PIRT: variants seen among roughly 807,000 people sequenced by gnomAD.
PIRT encodes the protein phosphoinositide-interacting protein.
Under a neutral mutation model 7.9 loss-of-function variants are expected in PIRT, and 6 were observed. The observed-to-expected ratio is 0.76, with a 90% CI of 0.42 to 1.51. PIRT has a LOEUF of 1.51. PIRT is among the 40% of genes most tolerant of loss of function. PIRT has a pLI of 0.01. For missense variants in PIRT, 170 were observed against 172.9 expected, an observed-to-expected ratio of 0.98 and a Z score of 0.09; for synonymous variants, 78 against 71.8, an observed-to-expected ratio of 1.09 and a Z score of -0.44.
In PIRT at chr17:10,825,617, A is replaced by G. The variant is rs767466275; in HGVS notation, c.29T>C (p.Leu10Pro). The G allele has an allele frequency of 3.4e-5, 51 of 1,517,796 alleles. No homozygotes were observed. The Admixed American group carries it at 5.8e-4, about 17-fold the overall frequency. 94.0% of individuals were successfully genotyped at this position (1,517,796 alleles called of 1,614,324 possible). Residue 10 changes from leucine to proline, a missense_variant, in exon 2 of 2, where the codon CTA becomes CCA. By Grantham distance (98) the Leu-to-Pro change is moderately conservative (BLOSUM62 -3). Coordinates refer to ENST00000580256, the MANE Select transcript of PIRT (RefSeq NM_001101387.2). MTMETLPKV[L>P]EVDEKSPEAK... ...TTCTGGAGACTTCTCATCGACCTCT[A>G]GAACCTTGGGGAGAGTCTCCATCGT... is the stretch of plus-strand genomic sequence containing the variant.
intron 1 of PIRT, among the ~76,000 whole-genome samples, chr17:10,828,890 G>C (rs1026552670): frequency 2.6e-5 from 4 of 152,196 alleles, no homozygotes; most frequent in African/African-American, 9.7e-5. Context: ...TTCGGAATTT[G>C]GCCTTGGTAA....
Position 10,825,498 on chromosome 17 carries a change from C to T in PIRT, c.148G>A (p.Glu50Lys), listed in dbSNP as rs1905291996. 1 of 1,613,822 alleles carries T rather than the reference C, an allele frequency of 6.2e-7. No individual in the cohort carries two copies. The highest frequency in any genetic ancestry group is 8.5e-7 in the Non-Finnish European group (1 of 1,179,850). ...ATAACGATGGGCTTGCGGTAGATTT[C>T]CCAGTTACTCCTGGGGGTGGTGGTC... ...VWTTTPRSNW[E>K]IYRKPIVIMS... Residue 50 changes from glutamate (E) to lysine (K), a missense_variant, in exon 2 of 2, where the codon GAA becomes AAA. Physicochemically the swap from Glu to Lys is moderately conservative, Grantham distance 56 (BLOSUM62 1). Coordinates refer to ENST00000580256, the MANE Select transcript of PIRT (RefSeq NM_001101387.2).
chr17:10,834,472 A>G (rs1905536092), intron 1 of PIRT, among the ~76,000 whole-genome samples: 2 of 152,224 alleles, frequency 1.3e-5, no homozygotes, highest in Admixed American at 6.5e-5. Context: ...GGAGGAACCA[A>G]CTGGAATATA....
chr17:10,827,465 C>CTTTTTTTTT lies in PIRT; in HGVS notation c.-138-1691_-138-1683dup, dbSNP rs546105685. Among the ~76,000 whole-genome samples the CTTTTTTTTT allele has an allele frequency of 2.6e-3, 145 of 56,296 alleles. 5 individuals are homozygous for CTTTTTTTTT. Among genetic ancestry groups the CTTTTTTTTT allele is most frequent in the East Asian group, 3.6e-3 (7 of 1,950 alleles). 36.9% of individuals were successfully genotyped at this position (56,296 alleles called of 152,430 possible). On this transcript the variant is annotated intron_variant, in intron 1 of 1. Coordinates refer to ENST00000580256, the MANE Select transcript of PIRT (RefSeq NM_001101387.2). ...TCTTTCTTTTCTTTCTTTTTCTTTT[C>CTTTTTTTTT]TTTTTTTTTTTTTTTTTTTTTTTTT...
intron 1 of PIRT, among the ~76,000 whole-genome samples, chr17:10,830,420 G>A (rs1360515177): frequency 6.6e-6 from 1 of 152,210 alleles, no homozygotes; most frequent in African/African-American, 2.4e-5. Flanking sequence ...CCACTTACAT[G>A]CTGTGGGACC....
intron 1 of PIRT, among the ~76,000 whole-genome samples, chr17:10,834,061 C>G (rs1905526171): frequency 6.6e-6 from 1 of 152,128 alleles, no homozygotes; most frequent in Non-Finnish European, 1.5e-5. Flanking sequence ...TACATCTACC[C>G]TTTGACCCAG....
At chr17:10,837,226 AG>A (rs1905612414) in intron 1 of PIRT, among the ~76,000 whole-genome samples, 1 of 152,208 alleles carries the variant, frequency 6.6e-6, no homozygotes, top group South Asian at 2.1e-4. Context: ...GGCCAGTGAC[AG>A]GGTAGAAAAA....
intron 1 of PIRT, among the ~76,000 whole-genome samples, chr17:10,828,607 G>C (rs889546482): frequency 6.6e-6 from 1 of 152,186 alleles, no homozygotes; most frequent in Non-Finnish European, 1.5e-5. Flanking sequence ...GCAGATAAAT[G>C]TAACATGTAT....
intron 1 of PIRT, among the ~76,000 whole-genome samples, chr17:10,835,982 A>G (rs55682149): frequency 0.085 from 12,832 of 150,772 alleles, 1,637 homozygotes; most frequent in African/African-American, 0.28. Context: ...AGCTCACTGC[A>G]ACCTCCACCT....
intron 1 of PIRT, among the ~76,000 whole-genome samples, chr17:10,830,439 G>A (rs886681277): frequency 1.6e-4 from 24 of 152,160 alleles, no homozygotes; most frequent in African/African-American, 5.8e-4. Context: ...CCTCGGTCAG[G>A]TTACTTCAGC....
rs995265724 is a variant in PIRT at position 10,838,045 on chromosome 17, C to T, written c.-239G>A. On this transcript the variant is annotated 5_prime_UTR_variant, in exon 1 of 2. Coordinates refer to ENST00000580256, the MANE Select transcript of PIRT (RefSeq NM_001101387.2). The stretch of plus-strand genomic sequence containing the variant: ...AGTTTCTGCTCAAGTCCATGCCAGC[C>T]AGAGAAAGCCACCCTGACCACGTCC... 7 of 152,224 alleles carry T rather than the reference C, an allele frequency of 4.6e-5. No homozygotes were observed. The highest frequency in any genetic ancestry group is 9.7e-5 in the African/African-American group (4 of 41,424). 9.4% of individuals were successfully genotyped at this position (152,224 alleles called of 1,614,324 possible).
At chr17:10,836,123 G>A (rs1016839798) in intron 1 of PIRT, among the ~76,000 whole-genome samples, 7 of 152,108 alleles carry the variant, frequency 4.6e-5, no homozygotes, top group South Asian at 2.1e-4. Flanking sequence ...GGCTGGCCTC[G>A]AACTCCTGAC....
chr17:10,829,865 G>A (rs987179821), intron 1 of PIRT, among the ~76,000 whole-genome samples: 2 of 152,114 alleles, frequency 1.3e-5, no homozygotes, highest in African/African-American at 4.8e-5. Flanking sequence ...CTTGGCATTA[G>A]AATAGTCTTC....
Position 10,825,663 on chromosome 17 carries a change from C to T in PIRT, c.-18G>A, listed in dbSNP as rs376178854. ...ATCGTCATGGTTGCTCAGGACTGGG[C>T]GCCTAGGACCAGCAATAGTTGGAAA... is the stretch of plus-strand genomic sequence containing the variant. On this transcript the variant is annotated 5_prime_UTR_variant, in exon 2 of 2. Coordinates refer to ENST00000580256, the MANE Select transcript of PIRT (RefSeq NM_001101387.2). The T allele has an allele frequency of 3.6e-5, 53 of 1,454,840 alleles. No individual in the cohort carries two copies. The highest frequency in any genetic ancestry group is 3.1e-4 in the South Asian group (21 of 66,922). 90.1% of individuals were successfully genotyped at this position (1,454,840 alleles called of 1,614,324 possible). A position where few individuals can be genotyped will look rare whatever the true frequency, so the allele number is the denominator to read the frequency against.
In PIRT at chr17:10,827,472, T is replaced by C. The variant is rs551268834; in HGVS notation, c.-138-1689A>G. Among the ~76,000 whole-genome samples, 326 of 116,224 alleles carry C rather than the reference T, an allele frequency of 2.8e-3. 1 individual carries two copies. The highest frequency in any genetic ancestry group is 4.8e-3 in the South Asian group (16 of 3,328). 76.2% of individuals were successfully genotyped at this position (116,224 alleles called of 152,430 possible). ...TTTCTTTCTTTTTCTTTTCTTTTTT[T>C]TTTTTTTTTTTTTTTTTTTGAAGTG... is the stretch of plus-strand genomic sequence containing the variant. On this transcript the variant is annotated intron_variant, in intron 1 of 1. Coordinates refer to ENST00000580256, the MANE Select transcript of PIRT (RefSeq NM_001101387.2).
intron 1 of PIRT, among the ~76,000 whole-genome samples, chr17:10,827,155 C>A (rs1208749245): frequency 6.6e-6 from 1 of 152,188 alleles, no homozygotes; most frequent in African/African-American, 2.4e-5. Context: ...CCCTTCCCTA[C>A]CCTCCATGTT....
intron 1 of PIRT, among the ~76,000 whole-genome samples, chr17:10,827,706 C>T (rs1358436463): frequency 1.3e-5 from 2 of 151,880 alleles, no homozygotes; most frequent in African/African-American, 4.8e-5. Flanking sequence ...AACTCCTGAC[C>T]TCAGGTGATC....
At chr17:10,835,692 G>C (rs999025242) in intron 1 of PIRT, among the ~76,000 whole-genome samples, 2 of 152,236 alleles carry the variant, frequency 1.3e-5, no homozygotes, top group Non-Finnish European at 2.9e-5. Context: ...GGGCCAGCAA[G>C]CAGCAAGAGG....
intron 1 of PIRT, among the ~76,000 whole-genome samples, chr17:10,834,195 A>G (rs1050484341): frequency 6.6e-6 from 1 of 152,202 alleles, no homozygotes; most frequent in Non-Finnish European, 1.5e-5. Context: ...GAAAAAAAAG[A>G]AAAAGAAAAA....
Sources: allele counts gnomAD v4.1 joint callset (sites outside exome capture counted in the v4.1 genomes callset), GRCh38; gene constraint gnomAD v4.1.1; transcripts MANE v1.5; gene names NCBI Gene and HGNC (gene_info 2026-07-23, HGNC 2026-07-21).